CHN2: variants seen among roughly 807,000 people sequenced by gnomAD.
The protein encoded by CHN2 is chimerin 2.
In CHN2, 35 loss-of-function variants were observed where a neutral mutation model predicts 56.3. The ratio of observed to expected loss-of-function variants is 0.62; its 90% CI spans 0.47 to 0.82. CHN2 has a LOEUF of 0.82. Among genes scored for constraint, CHN2 ranks in the 40% least tolerant of loss-of-function variants. The probability of loss-of-function intolerance (pLI) is 0.00; values close to 1 mark genes in which losing one functional copy is unlikely to be tolerated. For synonymous variants in CHN2, 210 were observed against 212.8 expected (o/e 0.99, Z 0.12); for missense variants, 491 against 580.5 (o/e 0.85, Z 1.58).
chr7:29,242,327 C>T (rs990694662), intron 1 of CHN2, among the ~76,000 whole-genome samples: 3 of 152,134 alleles, frequency 2.0e-5, no homozygotes, highest in South Asian at 4.1e-4. Context: ...ATCTCTCTGG[C>T]GTTGTTGAGA....
rs1795978596 is a variant in CHN2 at position 29,328,510 on chromosome 7, C to T, written c.50-26115C>T. On this transcript the variant is annotated intron_variant, in intron 1 of 12. Transcript: ENST00000222792. ...TGTATAAAAGAGGCTTTTATACCAA[C>T]AGTATGGTGTGAAGAAAAAATTTTT... Among the ~76,000 whole-genome samples the T allele has an allele frequency of 3.9e-5, 6 of 151,900 alleles. No individual in the cohort carries two copies. The South Asian group carries it at 1.2e-3, about 31-fold the overall frequency.
At chr7:29,273,654 C>G (rs1790942531) in intron 1 of CHN2, among the ~76,000 whole-genome samples, 1 of 151,784 alleles carries the variant, frequency 6.6e-6, no homozygotes, top group Non-Finnish European at 1.5e-5. Flanking sequence ...CTAGGTTTTC[C>G]TTTTCTCCCT....
intron 1 of CHN2, among the ~76,000 whole-genome samples, chr7:29,228,510 C>G (rs1786409552): frequency 6.6e-6 from 1 of 152,186 alleles, no homozygotes; most frequent in South Asian, 2.1e-4. Context: ...TTTTTCAGAA[C>G]ATACCCTGTG....
intron 6 of CHN2, among the ~76,000 whole-genome samples, chr7:29,473,530 G>A (rs1438144790): frequency 1.4e-5 from 2 of 143,768 alleles, no homozygotes; most frequent in Non-Finnish European, 3.0e-5. Context: ...GCAAGGCTGC[G>A]ACCCACAGGT....
At chr7:29,314,190 C>A (rs746234085) in intron 1 of CHN2, among the ~76,000 whole-genome samples, 14 of 152,144 alleles carry the variant, frequency 9.2e-5, no homozygotes, top group Non-Finnish European at 1.8e-4. Context: ...ATTCTACATA[C>A]AATAGAATGT....
intron 1 of CHN2, among the ~76,000 whole-genome samples, chr7:29,281,650 A>G (rs1219901119): frequency 2.0e-5 from 3 of 150,520 alleles, no homozygotes; most frequent in East Asian, 3.9e-4. Flanking sequence ...GAGCTGGAAA[A>G]TGGGTCAACA....
At chr7:29,173,772 AC>A (rs1188210560) in intron 2 of CHN2, among the ~76,000 whole-genome samples, 7 of 149,518 alleles carry the variant, frequency 4.7e-5, no homozygotes, top group African/African-American at 1.7e-4. Flanking sequence ...CCCTGTCTCT[AC>A]CAAAAAAAAA....
intron 6 of CHN2, among the ~76,000 whole-genome samples, chr7:29,422,863 A>C (rs1179387744): frequency 6.6e-6 from 1 of 152,218 alleles, no homozygotes; most frequent in Non-Finnish European, 1.5e-5. Context: ...ACATCTCTCA[A>C]ACTAATGTTC....
intron 2 of CHN2, among the ~76,000 whole-genome samples, chr7:29,165,480 CAGT>C: frequency 6.6e-6 from 1 of 152,108 alleles, no homozygotes; most frequent in South Asian, 2.1e-4. Context: ...GAATTTTCCA[CAGT>C]CATGTTGTCT....
intron 1 of CHN2, among the ~76,000 whole-genome samples, chr7:29,245,371 A>C (rs1787989966): frequency 6.6e-6 from 1 of 152,250 alleles, no homozygotes; most frequent in South Asian, 2.1e-4. Context: ...TGATAGAATT[A>C]AAGTGGCAAG....
intron 8 of CHN2, among the ~76,000 whole-genome samples, chr7:29,499,385 G>T (rs1789686386): frequency 1.3e-5 from 2 of 152,110 alleles, no homozygotes; most frequent in South Asian, 4.2e-4. Context: ...GATACCAATG[G>T]TCGTGGGCTT....
chr7:29,342,748 C>T (rs930497309), intron 1 of CHN2, among the ~76,000 whole-genome samples: 3 of 152,232 alleles, frequency 2.0e-5, no homozygotes, highest in East Asian at 1.9e-4. Context: ...TCCCTCCATT[C>T]TAGCAGCACT....
intron 6 of CHN2, among the ~76,000 whole-genome samples, chr7:29,410,548 T>C (rs1445509350): frequency 1.3e-5 from 2 of 152,160 alleles, no homozygotes; most frequent in Non-Finnish European, 2.9e-5. Flanking sequence ...TTGGTAAGCG[T>C]TGAAATAGAG....
intron 2 of CHN2, among the ~76,000 whole-genome samples, chr7:29,355,855 C>T (rs1264592855): frequency 7.1e-6 from 1 of 140,148 alleles, no homozygotes. Context: ...TCAATCTCAG[C>T]TCACTGCAAC....
chr7:29,375,222 G>A lies in CHN2; in HGVS notation c.144+7235G>A, dbSNP rs1277584291. The stretch of plus-strand genomic sequence containing the variant: ...TTTTTTTTTTTTTTTTTTTTTTGAC[G>A]GAGTCTTGCTCTGTGGCCCAGGCTG... On this transcript the variant is annotated intron_variant, in intron 3 of 12. Transcript: ENST00000222792. Among the ~76,000 whole-genome samples the A allele has an allele frequency of 1.0e-4, 10 of 96,380 alleles. 1 individual carries two copies. Among genetic ancestry groups the A allele is most frequent in the East Asian group, 3.0e-4 (1 of 3,300 alleles). 63.2% of individuals were successfully genotyped at this position (96,380 alleles called of 152,430 possible).
intron 1 of CHN2, among the ~76,000 whole-genome samples, chr7:29,276,047 T>G (rs1488321342): frequency 2.2e-5 from 3 of 138,030 alleles, no homozygotes; most frequent in Non-Finnish European, 4.9e-5. Context: ...TTCCCCCGAA[T>G]CTAAAACTTA....
At chr7:29,339,112 T>C (rs889227188) in intron 1 of CHN2, among the ~76,000 whole-genome samples, 1 of 152,236 alleles carries the variant, frequency 6.6e-6, no homozygotes, top group Admixed American at 6.5e-5. Flanking sequence ...CTTGAAATGA[T>C]GTTAATCAGG....
intron 1 of CHN2, among the ~76,000 whole-genome samples, chr7:29,205,818 TA>T (rs895616236): frequency 1.8e-4 from 28 of 151,558 alleles, no homozygotes; most frequent in African/African-American, 5.8e-4. Context: ...CTTTATTATG[TA>T]AAAAAAAATT....
chr7:29,388,556 A>G (rs114033844), intron 3 of CHN2, among the ~76,000 whole-genome samples: 3,738 of 152,334 alleles, frequency 0.025, 50 homozygotes, highest in African/African-American at 0.04. Context: ...TAAAGATAAG[A>G]AAACTGAGGA....
Sources: gnomAD v4.1 joint callset for allele counts (sites outside exome capture counted in the v4.1 genomes callset) on GRCh38, gnomAD v4.1.1 for gene constraint, MANE v1.5 for transcripts, NCBI Gene and HGNC (gene_info 2026-07-23, HGNC 2026-07-21) for gene names.